SLC7A11: variants seen among roughly 807,000 people sequenced by gnomAD.
SLC7A11 encodes solute carrier family 7 member 11, also known as cystine/glutamate transporter.
Under a neutral mutation model 54.5 loss-of-function variants are expected in SLC7A11, and 35 were observed. The ratio of observed to expected loss-of-function variants is 0.64; its 90% CI spans 0.49 to 0.85. The LOEUF is 0.85. Among genes scored for constraint, SLC7A11 ranks in the 40% least tolerant of loss-of-function variants. The probability of loss-of-function intolerance (pLI) is 0.00; values close to 1 mark genes in which losing one functional copy is unlikely to be tolerated. For missense variants in SLC7A11, 583 were observed against 618.1 expected (o/e 0.94, Z 0.60); for synonymous variants, 230 against 225.2 (o/e 1.02, Z -0.19).
At chr4:138,199,286 CATA>C (rs1055637165) in intron 6 of SLC7A11, among the ~76,000 whole-genome samples, 1 of 151,418 alleles carries the variant, frequency 6.6e-6, no homozygotes, top group African/African-American at 2.4e-5. Flanking sequence ...TTAATTTCAT[CATA>C]TTTTTTTGGC....
intron 11 of SLC7A11, chr4:138,177,608 A>G (rs1736610576): frequency 6.6e-6 from 1 of 151,782 alleles, no homozygotes; most frequent in Non-Finnish European, 1.5e-5. Context: ...TAAATTCTCC[A>G]TTTTCCTGAG....
At chr4:138,204,038 C>T (rs571414302) in intron 6 of SLC7A11, among the ~76,000 whole-genome samples, 13 of 152,154 alleles carry the variant, frequency 8.5e-5, no homozygotes, top group East Asian at 3.9e-4. Flanking sequence ...ACCCGCTGCC[C>T]GAGACATCTT....
chr4:138,200,983 G>A (rs1295951990), intron 6 of SLC7A11, among the ~76,000 whole-genome samples: 1 of 152,040 alleles, frequency 6.6e-6, no homozygotes, highest in Non-Finnish European at 1.5e-5. Flanking sequence ...AGACTATCAG[G>A]GAGGAAGAAG....
chr4:138,239,293 T>C (rs186684500), intron 1 of SLC7A11, among the ~76,000 whole-genome samples: 3 of 152,282 alleles, frequency 2.0e-5, no homozygotes, highest in African/African-American at 7.2e-5. Flanking sequence ...TCTGGGGGAA[T>C]GATTTTCATT....
At position 138,207,872 on chromosome 4, in the gene SLC7A11, G is replaced by A. The variant is rs955114666; in HGVS notation, c.791+6713C>T. Among the ~76,000 whole-genome samples, 6 of 152,008 alleles carry A rather than the reference G, an allele frequency of 3.9e-5. No individual in the cohort carries two copies. In the South Asian group the frequency reaches 6.2e-4, roughly 16 times the overall value. On this transcript the variant is annotated intron_variant, in intron 6 of 11. Transcript: ENST00000280612. ...TTCTTATGTTTTTTACTCAGGTAAC[G>A]GTTATAAAACTGTCCTACAAGCAAT...
At chr4:138,207,827 G>C (rs966799247) in intron 6 of SLC7A11, among the ~76,000 whole-genome samples, 5 of 152,102 alleles carry the variant, frequency 3.3e-5, no homozygotes, top group African/African-American at 9.7e-5. Flanking sequence ...ATTTGGGCAA[G>C]ATATTTTGCC....
intron 4 of SLC7A11, among the ~76,000 whole-genome samples, chr4:138,219,619 CCT>C (rs1465640497): frequency 2.0e-5 from 3 of 152,028 alleles, no homozygotes; most frequent in African/African-American, 7.2e-5. Flanking sequence ...GAAAAATAAT[CCT>C]CTGTTTGAGT....
chr4:138,199,681 A>T (rs1329434443), intron 6 of SLC7A11, among the ~76,000 whole-genome samples: 1 of 152,118 alleles, frequency 6.6e-6, no homozygotes, highest in African/African-American at 2.4e-5. Context: ...AACTAGCACT[A>T]TCTTTTAGAG....
At chr4:138,223,609 A>G (rs1199396196) in intron 3 of SLC7A11, among the ~76,000 whole-genome samples, 1 of 152,194 alleles carries the variant, frequency 6.6e-6, no homozygotes, top group Non-Finnish European at 1.5e-5. Context: ...AAGAGTGGAC[A>G]TATATTGTAG....
At chr4:138,233,392 G>A (rs192031085) in intron 2 of SLC7A11, among the ~76,000 whole-genome samples, 284 of 152,104 alleles carry the variant, frequency 1.9e-3, no homozygotes, top group Non-Finnish European at 2.9e-3. Flanking sequence ...CACCATATTG[G>A]TCAGGCTGGT....
chr4:138,190,370 T>G (rs1736980694), intron 6 of SLC7A11, among the ~76,000 whole-genome samples: 1 of 152,142 alleles, frequency 6.6e-6, no homozygotes, highest in African/African-American at 2.4e-5. Context: ...CATGGAGCTG[T>G]AATTTATCTC....
intron 11 of SLC7A11, among the ~76,000 whole-genome samples, 156 bp from the exon 12 acceptor site, chr4:138,172,173 A>T (rs1415641585): frequency 6.6e-6 from 1 of 152,220 alleles, no homozygotes; most frequent in Non-Finnish European, 1.5e-5. Flanking sequence ...GAATTCTATC[A>T]TGCTCAATTA....
intron 1 of SLC7A11, among the ~76,000 whole-genome samples, chr4:138,237,599 T>C (rs2148457620): frequency 6.9e-6 from 1 of 145,806 alleles, no homozygotes; most frequent in African/African-American, 2.5e-5. Flanking sequence ...GGTTTCACCA[T>C]GTTGGCCAAG....
chr4:138,228,610 T>A (rs914363200), intron 3 of SLC7A11, among the ~76,000 whole-genome samples: 31 of 151,364 alleles, frequency 2.0e-4, no homozygotes, highest in African/African-American at 6.1e-4. Flanking sequence ...TACAAAAAAA[T>A]TAGCAGGGCG....
intron 9 of SLC7A11, among the ~76,000 whole-genome samples, chr4:138,181,744 T>A (rs1260819690): frequency 6.6e-6 from 1 of 152,136 alleles, no homozygotes; most frequent in Non-Finnish European, 1.5e-5. Context: ...TTTCACACTT[T>A]GCTCTGCAGA....
chr4:138,167,752 C>T lies in SLC7A11; in HGVS notation c.*4204G>A, dbSNP rs998381140. The T allele has an allele frequency of 6.6e-6, 1 of 152,110 alleles. No homozygotes were observed. The highest frequency in any genetic ancestry group is 1.5e-5 in the Non-Finnish European group (1 of 68,022). The allele number at this position is 152,110 out of a possible 1,614,324, so 9.4% of individuals were successfully genotyped here. On this transcript the variant is annotated 3_prime_UTR_variant, in exon 12 of 12. Coordinates refer to ENST00000280612, the MANE Select transcript of SLC7A11 (RefSeq NM_014331.4). The stretch of plus-strand genomic sequence containing the variant: ...GGAAAGCAAAATGTAACTCTGTAAA[C>T]TTGATCAGCACTAATGTACAACATA...
intron 5 of SLC7A11, among the ~76,000 whole-genome samples, chr4:138,218,326 TG>T (rs1737726941): frequency 6.6e-6 from 1 of 152,238 alleles, no homozygotes. Context: ...CAGCTAAAGC[TG>T]TATAACAATG....
At chr4:138,213,007 A>G (rs1737589813) in intron 6 of SLC7A11, among the ~76,000 whole-genome samples, 1 of 151,996 alleles carries the variant, frequency 6.6e-6, no homozygotes, top group Non-Finnish European at 1.5e-5. Context: ...TTTATATTAT[A>G]TCCAGTACTA....
chr4:138,220,553 C>T (rs1440035564), intron 4 of SLC7A11, among the ~76,000 whole-genome samples: 1 of 152,104 alleles, frequency 6.6e-6, no homozygotes, highest in Non-Finnish European at 1.5e-5. Context: ...GAACACTTCA[C>T]CTTTTTCTCT....
Sources: allele counts gnomAD v4.1 joint callset (sites outside exome capture counted in the v4.1 genomes callset), GRCh38; gene constraint gnomAD v4.1.1; transcripts MANE v1.5; gene names NCBI Gene and HGNC (gene_info 2026-07-23, HGNC 2026-07-21).